FBXL17: variants seen among roughly 807,000 people sequenced by gnomAD.
The protein encoded by FBXL17 is F-box/LRR-repeat protein 17.
In FBXL17, 22 loss-of-function variants were observed where a neutral mutation model predicts 66.2. The observed-to-expected ratio is 0.33, with a 90% CI of 0.24 to 0.47. The LOEUF (loss-of-function observed/expected upper bound fraction) is 0.47. Among genes scored for constraint, FBXL17 ranks in the 20% least tolerant of loss-of-function variants. FBXL17 has a pLI of 1.00. For missense variants in FBXL17, 878 were observed against 948.2 expected (o/e 0.93, Z 0.97); for synonymous variants, 474 against 400.5 (o/e 1.18, Z -2.19).
chr5:108,033,367 A>G (rs1746714001), intron 6 of FBXL17, among the ~76,000 whole-genome samples: 1 of 152,140 alleles, frequency 6.6e-6, no homozygotes, highest in African/African-American at 2.4e-5. Flanking sequence ...AATTTTACTC[A>G]CTGTGAAATT....
In FBXL17 at chr5:108,058,422, CTTCT is replaced by C. The variant is rs1281696011; in HGVS notation, c.1746-37425_1746-37422del. On this transcript the variant is annotated intron_variant, in intron 6 of 8. Coordinates refer to ENST00000542267, the MANE Select transcript of FBXL17 (RefSeq NM_001163315.3). ...TTTCCTTCTTTCTTTCTCTTTCTTT[CTTCT>C]TTCTTTCTCTTTCTTTCTTCTCTCC... 5.9e-4 allele frequency among the ~76,000 whole-genome samples: 17 copies of C among 29,050 alleles called. No individual in the cohort carries two copies. The South Asian group carries it at 7.0e-3, about 12-fold the overall frequency. The allele number at this position is 29,050 out of a possible 152,430, so 19.1% of individuals were successfully genotyped here.
At chr5:107,959,176 A>G (rs1245678983) in intron 7 of FBXL17, among the ~76,000 whole-genome samples, 1 of 152,110 alleles carries the variant, frequency 6.6e-6, no homozygotes, top group African/African-American at 2.4e-5. Context: ...AGGGCTGGCC[A>G]TTAACCTTAA....
At chr5:107,924,060 G>GTTTTTTTTTTTTTTTTTTTTTTTTT (rs34494908) in intron 7 of FBXL17, among the ~76,000 whole-genome samples, 1 of 107,578 alleles carries the variant, frequency 9.3e-6, no homozygotes. Context: ...TGAGCTTAGT[G>GTTTTTTTTTTTTTTTTTTTTTTTTT]TTTTTTTTTT....
chr5:108,075,380 G>T (rs1241630505), intron 6 of FBXL17, among the ~76,000 whole-genome samples: 1 of 152,110 alleles, frequency 6.6e-6, no homozygotes, highest in Non-Finnish European at 1.5e-5. Context: ...ATGTAAATTT[G>T]CCACTGTTTT....
intron 7 of FBXL17, among the ~76,000 whole-genome samples, chr5:107,891,247 G>A (rs1424841693): frequency 9.9e-5 from 15 of 152,160 alleles, no homozygotes; most frequent in Non-Finnish European, 2.1e-4. Flanking sequence ...CCAAAACGAT[G>A]GAGTGCCGTT....
chr5:107,913,734 C>T (rs963113324), intron 7 of FBXL17, among the ~76,000 whole-genome samples: 7 of 152,208 alleles, frequency 4.6e-5, no homozygotes, highest in Admixed American at 1.3e-4. Flanking sequence ...TTAGCTTCGT[C>T]AACAATATGA....
chr5:108,090,547 G>A (rs1344859506), intron 6 of FBXL17, among the ~76,000 whole-genome samples: 1 of 152,104 alleles, frequency 6.6e-6, no homozygotes, highest in Non-Finnish European at 1.5e-5. Context: ...CACAACTACT[G>A]TGCTCAGCCA....
chr5:108,067,013 T>C (rs943372238), intron 6 of FBXL17, among the ~76,000 whole-genome samples: 21 of 152,072 alleles, frequency 1.4e-4, no homozygotes, highest in African/African-American at 5.1e-4. Flanking sequence ...AATTTTCTTC[T>C]TATATTTATA....
chr5:107,871,806 A>T (rs1748464498), intron 8 of FBXL17, among the ~76,000 whole-genome samples: 1 of 152,108 alleles, frequency 6.6e-6, no homozygotes, highest in African/African-American at 2.4e-5. Flanking sequence ...TATAGTCACT[A>T]AGTAAGTGGT....
At chr5:107,946,092 A>T (rs530173588) in intron 7 of FBXL17, among the ~76,000 whole-genome samples, 6 of 151,214 alleles carry the variant, frequency 4.0e-5, no homozygotes, top group African/African-American at 1.5e-4. Flanking sequence ...GAAAATAAGG[A>T]AATGGAATAA....
intron 4 of FBXL17, among the ~76,000 whole-genome samples, chr5:108,254,456 GT>G (rs1331245424): frequency 1.3e-5 from 2 of 152,138 alleles, no homozygotes; most frequent in East Asian, 3.9e-4. Flanking sequence ...CACTGTTTAA[GT>G]CATTGCTGGG....
At position 108,348,502 on chromosome 5, in the gene FBXL17, T is replaced by C; in HGVS notation, c.1403A>G (p.Asp468Gly). Residue 468 changes from aspartate (D) to glycine (G), a missense_variant, in exon 4 of 9, where the codon GAT (aspartate) becomes GGT (glycine). Around this residue, in one of 4 missense-constraint regions of FBXL17, gnomAD observed 236 missense variants for 389.1 expected, o/e 0.61. Coordinates refer to ENST00000542267, the MANE Select transcript of FBXL17 (RefSeq NM_001163315.3). ...QLGSKCRELK[D>G]IHFGQCYKIS... ...CTTGTAACACTGGCCGAAATGAATA[T>C]CTTTGAGTTCTCTGCATTTTGAGCC... 6.2e-7 allele frequency: 1 copy of C among 1,612,796 alleles called. No homozygotes were observed. The highest frequency in any genetic ancestry group is 8.5e-7 in the Non-Finnish European group (1 of 1,178,968).
intron 6 of FBXL17, among the ~76,000 whole-genome samples, chr5:108,102,979 G>T (rs1749658938): frequency 6.6e-6 from 1 of 152,160 alleles, no homozygotes; most frequent in Non-Finnish European, 1.5e-5. Context: ...ACAGCACAAG[G>T]TAAAATATGT....
At chr5:108,306,169 A>G (rs958438365) in intron 4 of FBXL17, among the ~76,000 whole-genome samples, 1 of 151,260 alleles carries the variant, frequency 6.6e-6, no homozygotes, top group Non-Finnish European at 1.5e-5. Context: ...TTGAAAAAAC[A>G]TATGTGTACT....
intron 6 of FBXL17, among the ~76,000 whole-genome samples, chr5:108,026,620 A>C (rs1754836945): frequency 6.6e-6 from 1 of 152,234 alleles, no homozygotes; most frequent in Admixed American, 6.5e-5. Flanking sequence ...AAAGACTAGG[A>C]GTGACATGCA....
intron 4 of FBXL17, among the ~76,000 whole-genome samples, chr5:108,317,438 A>G (rs771343486): frequency 3.3e-5 from 5 of 150,964 alleles, no homozygotes; most frequent in African/African-American, 4.8e-5. Flanking sequence ...ATCATTACAC[A>G]TTGCATGCAG....
At chr5:108,282,457 A>C (rs1464905790) in intron 4 of FBXL17, among the ~76,000 whole-genome samples, 1 of 151,970 alleles carries the variant, frequency 6.6e-6, no homozygotes, top group Non-Finnish European at 1.5e-5. Flanking sequence ...CATTTGATAA[A>C]ATTAAGCATC....
chr5:108,152,814 T>C (rs1433430529), intron 6 of FBXL17, among the ~76,000 whole-genome samples: 1 of 152,212 alleles, frequency 6.6e-6, no homozygotes, highest in African/African-American at 2.4e-5. Context: ...GCATGAGATA[T>C]ACTAAAAAGT....
intron 7 of FBXL17, among the ~76,000 whole-genome samples, chr5:107,933,565 G>A (rs1342884673): frequency 2.0e-5 from 3 of 152,052 alleles, no homozygotes; most frequent in Non-Finnish European, 2.9e-5. Context: ...AACATGCAAG[G>A]AATTTATGGT....
Sources: gnomAD v4.1 joint callset for allele counts (sites outside exome capture counted in the v4.1 genomes callset) on GRCh38, gnomAD v4.1.1 for gene constraint, gnomAD v4.1.1 regional missense constraint, MANE v1.5 for transcripts, NCBI Gene and HGNC (gene_info 2026-07-23, HGNC 2026-07-21) for gene names.